The following CALN1 variants were observed in gnomAD, a reference collection of about 807,000 sequenced individuals.
CALN1 encodes calneuron 1.
In CALN1, 17 loss-of-function variants were observed where a neutral mutation model predicts 30.6. The ratio of observed to expected loss-of-function variants is 0.56; its 90% CI spans 0.38 to 0.83. The LOEUF is 0.83. CALN1 is among the 40% of genes least tolerant of loss of function. CALN1 has a pLI of 0.00. For missense variants in CALN1, 291 were observed against 354.9 expected (o/e 0.82, Z 1.45); for synonymous variants, 156 against 131.4 (o/e 1.19, Z -1.28).
chr7:72,428,040 C>T (rs1807853796), intron 1 of CALN1, among the ~76,000 whole-genome samples: 1 of 152,152 alleles, frequency 6.6e-6, no homozygotes, highest in African/African-American at 2.4e-5. Context: ...CCATGTCATC[C>T]CAGCCTCAGC....
At chr7:72,151,730 G>C (rs949135011) in intron 3 of CALN1, among the ~76,000 whole-genome samples, 1 of 152,066 alleles carries the variant, frequency 6.6e-6, no homozygotes, top group East Asian at 1.9e-4. Flanking sequence ...GTTGTTGTTA[G>C]AGACAGGGTC....
intron 2 of CALN1, among the ~76,000 whole-genome samples, chr7:72,331,931 A>T (rs951630993): frequency 1.3e-5 from 2 of 152,034 alleles, no homozygotes; most frequent in Non-Finnish European, 2.9e-5. Flanking sequence ...CTTAGCTTCC[A>T]CTTATAAGTG....
At chr7:72,106,981 G>A (rs1171474684) in intron 3 of CALN1, among the ~76,000 whole-genome samples, 1 of 147,536 alleles carries the variant, frequency 6.8e-6, no homozygotes, top group African/African-American at 2.6e-5. Context: ...AAGAGAGAAA[G>A]AAAGAAAGGA....
intron 3 of CALN1, among the ~76,000 whole-genome samples, chr7:72,155,663 A>G (rs1787613149): frequency 6.6e-6 from 1 of 152,124 alleles, no homozygotes; most frequent in Non-Finnish European, 1.5e-5. Context: ...GGAGGGCTAT[A>G]ATGCCAACCA....
intron 5 of CALN1, among the ~76,000 whole-genome samples, chr7:71,882,035 G>A (rs1008232441): frequency 6.6e-6 from 1 of 152,090 alleles, no homozygotes; most frequent in African/African-American, 2.4e-5. Context: ...TGTGCTACTG[G>A]ACTCCAGCCT....
intron 5 of CALN1, among the ~76,000 whole-genome samples, chr7:71,855,272 A>G (rs952327710): frequency 1.3e-5 from 2 of 152,172 alleles, no homozygotes. Flanking sequence ...TGACTTACTA[A>G]ATCAGGGGGA....
In CALN1 at chr7:72,141,052, G is replaced by T. The variant is rs564159802; in HGVS notation, c.245-34758C>A. 2.6e-5 allele frequency among the ~76,000 whole-genome samples: 4 copies of T among 152,366 alleles called. No individual in the cohort carries two copies. The East Asian group carries it at 7.7e-4, about 29-fold the overall frequency. On this transcript the variant is annotated intron_variant, in intron 3 of 6. Coordinates refer to ENST00000395275, the MANE Select transcript of CALN1 (RefSeq NM_031468.4). ...AACTCCATGGGCTAAGCATGAACTG[G>T]TGCTGTGCTGTCCCTCAACCCAAGG...
intron 3 of CALN1, among the ~76,000 whole-genome samples, chr7:72,145,695 G>A (rs368985697): frequency 3.3e-5 from 5 of 152,140 alleles, no homozygotes; most frequent in African/African-American, 7.2e-5. Context: ...CCAATATCCC[G>A]GATGAACATC....
At chr7:72,209,631 A>G (rs1792245351) in intron 3 of CALN1, among the ~76,000 whole-genome samples, 1 of 151,878 alleles carries the variant, frequency 6.6e-6, no homozygotes, top group Non-Finnish European at 1.5e-5. Context: ...ACTGCAGTCA[A>G]TATTAGAACA....
chr7:72,395,744 G>A (rs1170773072), intron 2 of CALN1, among the ~76,000 whole-genome samples: 2 of 152,086 alleles, frequency 1.3e-5, no homozygotes, highest in South Asian at 2.1e-4. Flanking sequence ...ATTGGATGTC[G>A]AAAACCGAGA....
At chr7:72,493,506 T>C in the CALN1 span, among the ~76,000 whole-genome samples, 3 of 152,052 alleles carry the variant, frequency 2.0e-5, no homozygotes, top group Non-Finnish European at 4.4e-5. Flanking sequence ...TCCCAGCTAA[T>C]TTTTGTATTT....
chr7:72,412,707 T>C (rs892570251), upstream of CALN1, among the ~76,000 whole-genome samples: 3 of 152,146 alleles, frequency 2.0e-5, no homozygotes, highest in Non-Finnish European at 4.4e-5. Flanking sequence ...AAAAACAAAC[T>C]GGAACAATAA....
At chr7:71,812,304 A>C (rs1788003426) in intron 5 of CALN1, among the ~76,000 whole-genome samples, 1 of 152,188 alleles carries the variant, frequency 6.6e-6, no homozygotes, top group African/African-American at 2.4e-5. Context: ...AAATTGGTAC[A>C]TAAAACTAAG....
intron 6 of CALN1, among the ~76,000 whole-genome samples, chr7:71,805,533 A>C (rs1787555551): frequency 6.6e-6 from 1 of 152,196 alleles, no homozygotes; most frequent in Non-Finnish European, 1.5e-5. Flanking sequence ...GCAGACAGTG[A>C]GTCAGGGATC....
intron 2 of CALN1, among the ~76,000 whole-genome samples, chr7:72,368,161 ATATATATGTG>A (rs1448557364): frequency 4.6e-5 from 7 of 151,468 alleles, no homozygotes; most frequent in African/African-American, 1.2e-4. Flanking sequence ...GTGTGTGTAT[ATATATATGTG>A]TATATATGTG....
At chr7:72,445,262 G>A (rs530735313) in intron 1 of CALN1, among the ~76,000 whole-genome samples, 2 of 152,140 alleles carry the variant, frequency 1.3e-5, no homozygotes, top group Admixed American at 1.3e-4. Flanking sequence ...TTGACCTTTG[G>A]GCCACCAGGC....
At position 71,989,879 on chromosome 7, in the gene CALN1, C is replaced by A. The variant is rs374390919; in HGVS notation, c.501+33778G>T. On this transcript the variant is annotated intron_variant, in intron 5 of 6. Transcript: ENST00000395275. ...AGAAGAAATTGAAAAGGGAATGAAG[C>A]CGAAAGGGATTCAAGAAAGACAGAA... Among the ~76,000 whole-genome samples, 25 of 151,952 alleles carry A rather than the reference C, an allele frequency of 1.6e-4. No individual in the cohort carries two copies. In the South Asian group the frequency reaches 4.6e-3, roughly 28 times the overall value.
Position 71,838,195 on chromosome 7 carries a change from A to G in CALN1, c.502-27703T>C, listed in dbSNP as rs137877146. Among the ~76,000 whole-genome samples the G allele has an allele frequency of 2.3e-3, 345 of 152,360 alleles. 2 individuals carry two copies. Among genetic ancestry groups the G allele is most frequent in the African/African-American group, 7.6e-3 (316 of 41,578 alleles). ...TGCCATGGTTAATATGAATGGAAAT[A>G]TAGCATATGATTTCCCCAACTGGAA... On this transcript the variant is annotated intron_variant, in intron 5 of 6. Transcript: ENST00000395275.
chr7:72,225,624 C>T (rs184539504), intron 3 of CALN1, among the ~76,000 whole-genome samples: 135 of 152,216 alleles, frequency 8.9e-4, no homozygotes, highest in African/African-American at 3.1e-3. Context: ...CTCGGCGCTA[C>T]CTTGATGATT....
Sources: gnomAD v4.1 joint callset for allele counts (sites outside exome capture counted in the v4.1 genomes callset) on GRCh38, gnomAD v4.1.1 for gene constraint, MANE v1.5 for transcripts, NCBI Gene and HGNC (gene_info 2026-07-23, HGNC 2026-07-21) for gene names.